The following DNAH9 variants were observed in gnomAD, a reference collection of about 807,000 sequenced individuals.
DNAH9 encodes the protein DNAH9 variant protein.
In DNAH9, 345 loss-of-function variants were observed where a neutral mutation model predicts 471.6. The observed-to-expected ratio is 0.73, with a 90% CI of 0.67 to 0.80. The LOEUF is 0.80. Ranked by LOEUF, DNAH9 falls within the 30% of genes least tolerant of loss-of-function variation. DNAH9 has a pLI of 0.00. For synonymous variants in DNAH9, 2,093 were observed against 2,123.6 expected (o/e 0.99, Z 0.40); for missense variants, 5,407 against 5,609.2 (o/e 0.96, Z 1.15).
intron 17 of DNAH9, among the ~76,000 whole-genome samples, chr17:11,670,524 C>G (rs1000277358): frequency 2.0e-5 from 3 of 152,106 alleles, no homozygotes; most frequent in Non-Finnish European, 2.9e-5. Context: ...CCAACCTGAC[C>G]CCCTCCTCAG....
intron 36 of DNAH9, among the ~76,000 whole-genome samples, chr17:11,765,043 G>A (rs993873252): frequency 4.6e-5 from 7 of 152,192 alleles, no homozygotes; most frequent in South Asian, 2.1e-4. Context: ...TCTGGGGAAC[G>A]TTAGGAAAGT....
Position 11,693,947 on chromosome 17 carries a change from A to C in DNAH9, c.4694A>C (p.Gln1565Pro). The change falls in exon 21 of 69, where the codon CAA becomes CCA. Residue 1565 changes from glutamine (Q) to proline (P), a missense_variant. Physicochemically the swap from Gln to Pro is moderately conservative, Grantham distance 76 (BLOSUM62 -1). This residue lies in a region of DNAH9 where 4,636 missense variants were observed against 4,900.3 expected (regional missense o/e 0.95). Coordinates refer to ENST00000262442, the MANE Select transcript of DNAH9 (RefSeq NM_001372.4). ...GCCCAGAAAATTCCAAATGTAGTGC[A>C]AACCACCAACAAGCCAGGCCTGTAT... ...YDAQKIPNVV[Q>P]TTNKPGLYEK... The C allele has an allele frequency of 6.2e-7, 1 of 1,614,222 alleles. No homozygotes were observed. Among genetic ancestry groups the C allele is most frequent in the Non-Finnish European group, 8.5e-7 (1 of 1,180,032 alleles).
intron 61 of DNAH9, among the ~76,000 whole-genome samples, chr17:11,916,823 G>T (rs966381217): frequency 3.3e-5 from 5 of 152,142 alleles, no homozygotes; most frequent in Admixed American, 1.3e-4. Context: ...TTCAAGATTT[G>T]TTCCTTGGTC....
Position 11,781,101 on chromosome 17 carries a change from A to G in DNAH9, c.7645A>G (p.Met2549Val), listed in dbSNP as rs1050313731. The G allele has an allele frequency of 6.2e-7, 1 of 1,614,180 alleles. No homozygotes were observed. The highest frequency in any genetic ancestry group is 8.5e-7 in the Non-Finnish European group (1 of 1,180,032). The change falls in exon 39 of 69, where the codon ATG becomes GTG. Residue 2549 changes from methionine to valine, a missense_variant. Around this residue, in one of 3 missense-constraint regions of DNAH9, gnomAD observed 4,636 missense variants for 4,900.3 expected, o/e 0.95. Coordinates refer to ENST00000262442, the MANE Select transcript of DNAH9 (RefSeq NM_001372.4). Reference protein sequence around the residue: ...KLIYFIDDMNMPEVDAYGTVQ... With the variant: ...KLIYFIDDMNVPEVDAYGTVQ... ...CATCTATTTCATTGATGACATGAAC[A>G]TGCCTGAGGTGGATGCCTACGGGAC...
chr17:11,802,446 C>T (rs968210361), intron 43 of DNAH9, among the ~76,000 whole-genome samples: 4 of 151,964 alleles, frequency 2.6e-5, no homozygotes, highest in Non-Finnish European at 5.9e-5. Flanking sequence ...CTGGCCAACA[C>T]GGTGAAACCC....
At chr17:11,599,974 C>T (rs896892539) in intron 1 of DNAH9, among the ~76,000 whole-genome samples, 1 of 152,126 alleles carries the variant, frequency 6.6e-6, no homozygotes, top group Non-Finnish European at 1.5e-5. Flanking sequence ...GGCCCCACTG[C>T]TGGATGCAAG....
chr17:11,606,448 C>CTTTTTTTTTT (rs1156988834), intron 1 of DNAH9, among the ~76,000 whole-genome samples: 17 of 97,030 alleles, frequency 1.8e-4, no homozygotes, highest in African/African-American at 6.6e-4. Context: ...CTTTTCTTTT[C>CTTTTTTTTTT]TTTTCTTTTT....
Position 11,793,552 on chromosome 17 carries a change from T to C in DNAH9, c.8111T>C (p.Ile2704Thr), listed in dbSNP as rs563270755. ...VECVKSTWDL[I>T]RLYLHESNRV... ...TGTGTGAAATCCACATGGGATCTTA[T>C]AAGGCTCTATCTGCATGAATCAAAT... is the stretch of plus-strand genomic sequence containing the variant. The change falls in exon 42 of 69, where the codon ATA becomes ACA. Residue 2704 changes from isoleucine to threonine, a missense_variant. Physicochemically the swap from Ile to Thr is moderately conservative, Grantham distance 89. This residue lies in a region of DNAH9 where 4,636 missense variants were observed against 4,900.3 expected (regional missense o/e 0.95). Coordinates refer to ENST00000262442, the MANE Select transcript of DNAH9 (RefSeq NM_001372.4). 1.9e-6 allele frequency: 3 copies of C among 1,614,060 alleles called. No homozygotes were observed. Among genetic ancestry groups the C allele is most frequent in the South Asian group, 2.2e-5 (2 of 91,048 alleles).
At chr17:11,869,347 C>A in intron 51 of DNAH9, 94 bp downstream of exon 51, 2 of 1,485,532 alleles carry the variant, frequency 1.3e-6, no homozygotes, top group Non-Finnish European at 1.8e-6. Context: ...AGCACAGCAG[C>A]GCTTTGACTT....
chr17:11,954,828 T>C (rs1017022024), intron 67 of DNAH9, among the ~76,000 whole-genome samples: 2 of 147,640 alleles, frequency 1.4e-5, no homozygotes, highest in East Asian at 4.0e-4. Flanking sequence ...GAAAATGATA[T>C]ATGGAAATTT....
At chr17:11,902,221 T>C (rs1402744558) in intron 59 of DNAH9, among the ~76,000 whole-genome samples, 1 of 152,206 alleles carries the variant, frequency 6.6e-6, no homozygotes, top group Admixed American at 6.5e-5. Context: ...AAGTTATACA[T>C]TTGGACTGAA....
chr17:11,665,055 C>T, intron 15 of DNAH9, 87 bp downstream of exon 15: 2 of 1,233,676 alleles, frequency 1.6e-6, no homozygotes, highest in Non-Finnish European at 2.3e-6. Flanking sequence ...CAGCTGAGTG[C>T]TCTGTGACTT....
intron 23 of DNAH9, among the ~76,000 whole-genome samples, chr17:11,700,206 C>T (rs953313246): frequency 8.5e-5 from 13 of 152,168 alleles, no homozygotes; most frequent in African/African-American, 2.9e-4. Flanking sequence ...CACCAGGAGA[C>T]GTCAACATGG....
chr17:11,615,450 T>C (rs2072721624), intron 4 of DNAH9, among the ~76,000 whole-genome samples: 1 of 151,942 alleles, frequency 6.6e-6, no homozygotes, highest in South Asian at 2.1e-4. Context: ...CCAGACATGG[T>C]GGTGCATGTC....
At chr17:11,918,528 G>A (rs1009614134) in intron 61 of DNAH9, among the ~76,000 whole-genome samples, 6 of 151,880 alleles carry the variant, frequency 4.0e-5, no homozygotes, top group African/African-American at 4.8e-5. Context: ...ACCACACCCA[G>A]CCCTCTTTTC....
chr17:11,939,008 T>C (rs1440339603), intron 66 of DNAH9, among the ~76,000 whole-genome samples: 2 of 152,222 alleles, frequency 1.3e-5, no homozygotes, highest in Non-Finnish European at 1.5e-5. Flanking sequence ...AGCAAACTGA[T>C]ACTAAAAGAG....
At position 11,843,890 on chromosome 17, in the gene DNAH9, T is replaced by TATATATATATATAC. The variant is rs1389217941; in HGVS notation, c.9507+8993_9507+8994insTATATATATATACA. Among the ~76,000 whole-genome samples, 175 of 127,130 alleles carry TATATATATATATAC rather than the reference T, an allele frequency of 1.4e-3. 1 individual carries two copies. The highest frequency in any genetic ancestry group is 4.0e-3 in the African/African-American group (130 of 32,284). The allele number at this position is 127,130 out of a possible 152,430, so 83.4% of individuals were successfully genotyped here. A position where few individuals can be genotyped will look rare whatever the true frequency, so the allele number is the denominator to read the frequency against. On this transcript the variant is annotated intron_variant, in intron 49 of 68. Coordinates refer to ENST00000262442, the MANE Select transcript of DNAH9 (RefSeq NM_001372.4). ...ATATATATATATATATATATATATA[T>TATATATATATATAC]ACACATAGAGAGAGAGAGAATAATA...
At chr17:11,607,262 A>C (rs946904622) in intron 1 of DNAH9, among the ~76,000 whole-genome samples, 6 of 152,166 alleles carry the variant, frequency 3.9e-5, no homozygotes, top group African/African-American at 1.4e-4. Context: ...GTAAACATAC[A>C]ACACCCAACA....
chr17:11,778,575 A>G (rs1412868588), intron 38 of DNAH9, among the ~76,000 whole-genome samples: 1 of 152,004 alleles, frequency 6.6e-6, no homozygotes, highest in Non-Finnish European at 1.5e-5. Context: ...TTTTGAGAAT[A>G]TGGTGTAGGG....
Sources: allele counts gnomAD v4.1 joint callset (sites outside exome capture counted in the v4.1 genomes callset), GRCh38; gene constraint gnomAD v4.1.1; regional missense constraint gnomAD v4.1.1; transcripts MANE v1.5; gene names NCBI Gene and HGNC (gene_info 2026-07-23, HGNC 2026-07-21).